CNGB3: variants seen among roughly 807,000 people sequenced by gnomAD.
CNGB3 encodes the protein cyclic nucleotide-gated channel beta-3.
CNGB3 carries 86 observed loss-of-function variants against 92.8 expected under a neutral mutation model. The ratio of observed to expected loss-of-function variants is 0.93; its 90% CI spans 0.78 to 1.11. CNGB3 has a LOEUF of 1.11. Ranked by LOEUF, CNGB3 falls within the 50% of genes least tolerant of loss-of-function variation. The probability of loss-of-function intolerance (pLI) is 0.00; values close to 1 mark genes in which losing one functional copy is unlikely to be tolerated. For missense variants in CNGB3, 1,026 were observed against 956.8 expected (o/e 1.07, Z -0.95); for synonymous variants, 333 against 332.7 (o/e 1.00, Z -0.01).
chr8:86,729,411 G>T (rs1234580974), intron 2 of CNGB3, among the ~76,000 whole-genome samples: 1 of 152,056 alleles, frequency 6.6e-6, no homozygotes, highest in Non-Finnish European at 1.5e-5. Context: ...TTAATTCTAG[G>T]TAGATCTTAG....
At chr8:86,716,401 C>T (rs932346342) in intron 3 of CNGB3, among the ~76,000 whole-genome samples, 5 of 152,188 alleles carry the variant, frequency 3.3e-5, no homozygotes, top group Admixed American at 3.3e-4. Context: ...ACAAAAATAT[C>T]ATCGCCTAGC....
intron 13 of CNGB3, among the ~76,000 whole-genome samples, chr8:86,619,489 T>C (rs1822684697): frequency 6.6e-6 from 1 of 152,138 alleles, no homozygotes; most frequent in South Asian, 2.1e-4. Context: ...TTCAAATCTC[T>C]GATCACCCAT....
Position 86,722,968 on chromosome 8 carries a change from T to G in CNGB3, c.338+3563A>C, listed in dbSNP as rs536762520. Among the ~76,000 whole-genome samples, 5 of 152,228 alleles carry G rather than the reference T, an allele frequency of 3.3e-5. 1 individual carries two copies. The highest frequency in any genetic ancestry group is 1.2e-4 in the African/African-American group (5 of 41,546). On this transcript the variant is annotated intron_variant, in intron 3 of 17. Transcript: ENST00000320005. ...CTCCATAATCGCATGAGTCAATTCCTTATAATAAATTTATTTCCCTATATA... is the reference window on the plus strand; with the variant it reads ...CTCCATAATCGCATGAGTCAATTCCGTATAATAAATTTATTTCCCTATATA...
intron 3 of CNGB3, among the ~76,000 whole-genome samples, chr8:86,717,423 C>A (rs1193083074): frequency 6.6e-6 from 1 of 151,882 alleles, no homozygotes; most frequent in Admixed American, 6.6e-5. Flanking sequence ...ATTAGCCAGG[C>A]GTGGTGGCGT....
At chr8:86,715,422 G>A (rs900580796) in intron 3 of CNGB3, among the ~76,000 whole-genome samples, 6 of 152,080 alleles carry the variant, frequency 3.9e-5, no homozygotes, top group African/African-American at 1.4e-4. Context: ...GCTCCACTGG[G>A]TGGCCAGACC....
chr8:86,689,809 G>A (rs149081920), intron 3 of CNGB3, among the ~76,000 whole-genome samples: 1,768 of 151,990 alleles, frequency 0.012, 27 homozygotes, highest in Non-Finnish European at 0.017. Context: ...GAGAACATGC[G>A]GTGTTTGGTT....
chr8:86,619,454 A>C (rs1162558518), intron 13 of CNGB3, among the ~76,000 whole-genome samples: 2 of 152,038 alleles, frequency 1.3e-5, no homozygotes, highest in Non-Finnish European at 2.9e-5. Flanking sequence ...TATATATATA[A>C]TTTGACTATT....
chr8:86,701,529 C>T (rs1179051515), intron 3 of CNGB3, among the ~76,000 whole-genome samples: 1 of 152,082 alleles, frequency 6.6e-6, no homozygotes, highest in Non-Finnish European at 1.5e-5. Flanking sequence ...AATAATTACT[C>T]AGTTTTTGAA....
intron 3 of CNGB3, among the ~76,000 whole-genome samples, chr8:86,674,380 C>A (rs1029684414): frequency 1.3e-5 from 2 of 152,170 alleles, no homozygotes; most frequent in African/African-American, 2.4e-5. Flanking sequence ...AACTACTATG[C>A]ATTTTTGTCT....
At chr8:86,734,484 A>G (rs1825211102) in intron 2 of CNGB3, among the ~76,000 whole-genome samples, 1 of 152,170 alleles carries the variant, frequency 6.6e-6, no homozygotes, top group South Asian at 2.1e-4. Context: ...CCAGATTCAG[A>G]ATTTTGTCTA....
chr8:86,732,475 C>T (rs939256898), intron 2 of CNGB3, among the ~76,000 whole-genome samples: 7 of 152,170 alleles, frequency 4.6e-5, no homozygotes, highest in African/African-American at 1.7e-4. Flanking sequence ...GCAGAGAAAA[C>T]ACAGCGCTCA....
intron 2 of CNGB3, among the ~76,000 whole-genome samples, chr8:86,738,872 G>T (rs1825291828): frequency 6.7e-6 from 1 of 150,206 alleles, no homozygotes. Context: ...GTGGGTTTCA[G>T]GGTCCTTATG....
intron 10 of CNGB3, among the ~76,000 whole-genome samples, chr8:86,634,098 T>G (rs1161239898): frequency 6.6e-6 from 1 of 152,176 alleles, no homozygotes; most frequent in Non-Finnish European, 1.5e-5. Flanking sequence ...TGATAAGGAT[T>G]AGTAAAGAAC....
At chr8:86,726,798 C>T in intron 2 of CNGB3, 141 bp from the exon 3 acceptor site, 2 of 905,624 alleles carry the variant, frequency 2.2e-6, no homozygotes, top group Non-Finnish European at 3.6e-6. Flanking sequence ...TTCTGCTAAA[C>T]AAAGTAGGAC....
chr8:86,596,812 G>A (rs546879854), intron 15 of CNGB3, among the ~76,000 whole-genome samples: 4 of 152,290 alleles, frequency 2.6e-5, no homozygotes, highest in Admixed American at 6.5e-5. Context: ...AAAAGAAAAT[G>A]TGGCACATAT....
At chr8:86,594,191 C>A in intron 15 of CNGB3, 1 of 273,406 alleles carries the variant, frequency 3.7e-6, no homozygotes. Context: ...CTGGGGCTCC[C>A]CCAACAGGGC....
chr8:86,620,557 G>T (rs1585974027), intron 13 of CNGB3, among the ~76,000 whole-genome samples: 1 of 152,142 alleles, frequency 6.6e-6, no homozygotes, highest in East Asian at 1.9e-4. Context: ...CAGTAAACAG[G>T]TTAATACTTT....
chr8:86,660,466 T>C, intron 6 of CNGB3: 3 of 516,514 alleles, frequency 5.8e-6, no homozygotes, highest in South Asian at 4.4e-5. Context: ...CATTGGTCAA[T>C]GAGAAAGATG....
At chr8:86,730,803 T>A (rs1005493580) in intron 2 of CNGB3, among the ~76,000 whole-genome samples, 1 of 152,334 alleles carries the variant, frequency 6.6e-6, no homozygotes, top group East Asian at 1.9e-4. Context: ...TTTTATTGTA[T>A]CTTTGTAGAT....
Sources: allele counts gnomAD v4.1 joint callset (sites outside exome capture counted in the v4.1 genomes callset), GRCh38; gene constraint gnomAD v4.1.1; transcripts MANE v1.5; gene names NCBI Gene and HGNC (gene_info 2026-07-23, HGNC 2026-07-21).